TMC8: variants seen among roughly 807,000 people sequenced by gnomAD.
The protein encoded by TMC8 is transmembrane channel like 8, also known as transmembrane channel-like protein 8.
A neutral mutation model predicts 76.0 loss-of-function variants in TMC8; 71 were observed. The observed-to-expected ratio is 0.93, with a 90% CI of 0.77 to 1.14. The LOEUF is 1.14. Ranked by LOEUF, TMC8 falls within the 50% of genes most tolerant of loss-of-function variation. The probability of loss-of-function intolerance (pLI) is 0.00; values close to 1 mark genes in which losing one functional copy is unlikely to be tolerated. For missense variants in TMC8, 924 were observed against 947.9 expected, an observed-to-expected ratio of 0.97 and a Z score of 0.33; for synonymous variants, 433 against 433.8, an observed-to-expected ratio of 1.00 and a Z score of 0.02.
chr17:78,139,980 T>C (rs2075333599), intron 15 of TMC8, among the ~76,000 whole-genome samples: 1 of 151,762 alleles, frequency 6.6e-6, no homozygotes, highest in Admixed American at 6.6e-5. Context: ...GGGCGGAGGT[T>C]GCAGTGAGCT....
Position 78,138,520 on chromosome 17 carries a change from G to T in TMC8, c.1664+41G>T, listed in dbSNP as rs755234753. The T allele has an allele frequency of 8.7e-6, 14 of 1,613,414 alleles. No homozygotes were observed. The Admixed American group carries it at 2.3e-4, about 27-fold the overall frequency. On this transcript the variant is annotated intron_variant, in intron 13 of 15. Coordinates refer to ENST00000318430, the MANE Select transcript of TMC8 (RefSeq NM_152468.5). Reference sequence around the variant, plus strand: ...GGGGGGCACCCAGAGGCTGGCAGGGGCAGTTTCTCACCCAGGACCCTGATG... The same window carrying T: ...GGGGGGCACCCAGAGGCTGGCAGGGTCAGTTTCTCACCCAGGACCCTGATG...
chr17:78,140,809 A>C (rs1271415919), intron 15 of TMC8, 25 bp from the exon 16 acceptor site: 1 of 1,592,940 alleles, frequency 6.3e-7, no homozygotes, highest in Non-Finnish European at 8.5e-7. Context: ...CGCCTGTCGC[A>C]ACTCGCCACT....
chr17:78,132,632 T>C lies in TMC8; in HGVS notation c.448+124T>C. 3 of 1,503,068 alleles carry C rather than the reference T, an allele frequency of 2.0e-6. No individual in the cohort carries two copies. The South Asian group carries it at 3.5e-5, about 18-fold the overall frequency. 93.1% of individuals were successfully genotyped at this position (1,503,068 alleles called of 1,614,324 possible). On this transcript the variant is annotated intron_variant, in intron 4 of 15. Transcript: ENST00000318430. ...TCCTGCCGTGCAGGCCCCGGGGCTC[T>C]CTCTCCCTGACCTCGCCTTGTGTGG...
In TMC8 at chr17:78,131,485, C is replaced by G; in HGVS notation, c.-104C>G. 1 of 1,470,672 alleles carries G rather than the reference C, an allele frequency of 6.8e-7. No homozygotes were observed. The highest frequency in any genetic ancestry group is 2.0e-5 in the Admixed American group (1 of 50,830). 91.1% of individuals were successfully genotyped at this position (1,470,672 alleles called of 1,614,324 possible). On this transcript the variant is annotated 5_prime_UTR_variant, in exon 2 of 16. Coordinates refer to ENST00000318430, the MANE Select transcript of TMC8 (RefSeq NM_152468.5). ...ACGGAAGGGCCCGCCCCCAGCCCAG[C>G]GTGCACAGAGGCCATAGCCAAGGCC...
chr17:78,131,792 C>A, intron 2 of TMC8, 55 bp downstream of exon 2: 1 of 1,539,860 alleles, frequency 6.5e-7, no homozygotes, highest in Non-Finnish European at 8.7e-7. Context: ...CGAGGCTGCC[C>A]CGTCGGATGG....
chr17:78,139,273 A>G, intron 15 of TMC8, 33 bp downstream of exon 15: 1 of 1,610,836 alleles, frequency 6.2e-7, no homozygotes, highest in Non-Finnish European at 8.5e-7. Flanking sequence ...AGGGGACAGC[A>G]GCTTCAGTGG....
intron 5 of TMC8, among the ~76,000 whole-genome samples, 168 bp downstream of exon 5, chr17:78,133,038 G>A (rs1239932147): frequency 6.6e-6 from 1 of 152,156 alleles, no homozygotes; most frequent in Non-Finnish European, 1.5e-5. Context: ...GTTAGAGAGA[G>A]GCTGAGGCCA....
chr17:78,132,399 C>A lies in TMC8; in HGVS notation c.339C>A (p.Leu113=). 1.9e-6 allele frequency: 3 copies of A among 1,613,050 alleles called. No individual in the cohort carries two copies. The highest frequency in any genetic ancestry group is 2.5e-6 in the Non-Finnish European group (3 of 1,179,728). The change falls in exon 4 of 16, where the codon CTC becomes CTA. Residue 113 remains leucine (L), a synonymous_variant. Coordinates refer to ENST00000318430, the MANE Select transcript of TMC8 (RefSeq NM_152468.5). The stretch of plus-strand genomic sequence containing the variant: ...GAATTCGGTCCTACTTCACCTTCCT[C>A]CGCTTCCTGCTGCTACTCAACCTGC... ...GTGIRSYFTF[L]RFLLLLNLLS...
intron 10 of TMC8, 116 bp from the exon 11 acceptor site, chr17:78,137,601 A>G: frequency 8.7e-7 from 1 of 1,155,496 alleles, no homozygotes; most frequent in Non-Finnish European, 1.3e-6. Context: ...CAACCTAACG[A>G]TTCTATCAGA....
chr17:78,140,023 C>T (rs2075334493), intron 15 of TMC8, among the ~76,000 whole-genome samples: 1 of 152,148 alleles, frequency 6.6e-6, no homozygotes, highest in African/African-American at 2.4e-5. Flanking sequence ...GCCTGGGCAA[C>T]AAGAGCAAAA....
At chr17:78,133,800 C>T in intron 6 of TMC8, 53 bp from the exon 7 acceptor site, 1 of 1,611,252 alleles carries the variant, frequency 6.2e-7, no homozygotes, top group Non-Finnish European at 8.5e-7. Context: ...AAGGCTGAGG[C>T]TGGATGGTAG....
rs2075392685 is a variant in TMC8, at chr17:78,142,696, A to G, written c.*1584A>G. On this transcript the variant is annotated 3_prime_UTR_variant, in exon 16 of 16. Coordinates refer to ENST00000318430, the MANE Select transcript of TMC8 (RefSeq NM_152468.5). ...GTTGTTAATTAGCGGCTTAGGGCCA[A>G]AGGTGGCCCCTGGACCAGTGGCCTC... 6.6e-6 allele frequency: 1 copy of G among 152,286 alleles called. No homozygotes were observed. The highest frequency in any genetic ancestry group is 2.1e-4 in the South Asian group (1 of 4,836). 9.4% of individuals were successfully genotyped at this position (152,286 alleles called of 1,614,324 possible).
rs753915057 is a variant in TMC8 at position 78,132,826 on chromosome 17, G to A, written c.487G>A (p.Val163Ile). 4.4e-5 allele frequency: 71 copies of A among 1,614,226 alleles called. No individual in the cohort carries two copies. The highest frequency in any genetic ancestry group is 1.6e-4 in the Middle Eastern group (1 of 6,062). The stretch of plus-strand genomic sequence containing the variant: ...TGGTAGCCGCCAGTCCCCGCCTGGC[G>A]TTTTGAGGTTCCACAATCAACTTTG... ...CPGSRQSPPG[V>I]LRFHNQLWHV... The change falls in exon 5 of 16, where the codon GTT becomes ATT. Residue 163 changes from valine (V) to isoleucine (I), a missense_variant. Coordinates refer to ENST00000318430, the MANE Select transcript of TMC8 (RefSeq NM_152468.5).
In TMC8 at chr17:78,131,978, G is replaced by C. The variant is rs2074998965; in HGVS notation, c.246G>C (p.Gln82His). The stretch of plus-strand genomic sequence containing the variant: ...AAAGGCGCCTGCGGGAGGCAGCGCA[G>C]CGGCTGGCCCGGGGCCTTGGGCTCT... ...TVERRLREAA[Q>H]RLARGLGLWE... The change falls in exon 3 of 16, where the codon CAG becomes CAC. Residue 82 changes from glutamine (Q) to histidine (H), a missense_variant. Gln to His is a conservative substitution (Grantham distance 24, BLOSUM62 0). Transcript: ENST00000318430. The C allele has an allele frequency of 6.6e-7, 1 of 1,522,456 alleles. No homozygotes were observed. The highest frequency in any genetic ancestry group is 8.8e-7 in the Non-Finnish European group (1 of 1,141,002). The allele number at this position is 1,522,456 out of a possible 1,614,324, so 94.3% of individuals were successfully genotyped here.
chr17:78,136,346 C>G (rs756235974), intron 9 of TMC8, among the ~76,000 whole-genome samples: 69 of 152,112 alleles, frequency 4.5e-4, no homozygotes, highest in Non-Finnish European at 6.2e-4. Context: ...GACTAGGACA[C>G]ACAGTCCTAG....
At position 78,134,520 on chromosome 17, in the gene TMC8, A is replaced by T; in HGVS notation, c.943A>T (p.Ser315Cys). Reference protein sequence around the residue: ...LNGLLVVGAISAIFWATKYSQ... With the variant: ...LNGLLVVGAICAIFWATKYSQ... ...CGGGCTCCTGGTGGTTGGGGCCATCAGCGCCATCTTCTGGGCTACCAAGTA... is the reference window on the plus strand; with the variant it reads ...CGGGCTCCTGGTGGTTGGGGCCATCTGCGCCATCTTCTGGGCTACCAAGTA... The change falls in exon 8 of 16, where the codon AGC becomes TGC. Residue 315 changes from serine to cysteine, a missense_variant. Physicochemically the swap from Ser to Cys is moderately radical, Grantham distance 112 (BLOSUM62 -1). Transcript: ENST00000318430. 1 of 1,614,152 alleles carries T rather than the reference A, an allele frequency of 6.2e-7. No homozygotes were observed. Among genetic ancestry groups the T allele is most frequent in the Non-Finnish European group, 8.5e-7 (1 of 1,180,046 alleles).
At position 78,132,834 on chromosome 17, in the gene TMC8, G is replaced by C. The variant is rs761860622; in HGVS notation, c.495G>C (p.Arg165Ser). ...GSRQSPPGVL[R>S]FHNQLWHVLT... ...GCCAGTCCCCGCCTGGCGTTTTGAGGTTCCACAATCAACTTTGGCATGTTT... is the reference window on the plus strand; with the variant it reads ...GCCAGTCCCCGCCTGGCGTTTTGAGCTTCCACAATCAACTTTGGCATGTTT... The change falls in exon 5 of 16, where the codon AGG becomes AGC. Residue 165 changes from arginine to serine, a missense_variant. Arg to Ser is a moderately radical substitution (Grantham distance 110). Transcript: ENST00000318430. The C allele has an allele frequency of 6.4e-5, 104 of 1,614,128 alleles. No homozygotes were observed. Among genetic ancestry groups the C allele is most frequent in the Non-Finnish European group, 8.7e-5 (103 of 1,180,042 alleles).
chr17:78,136,824 G>T, intron 9 of TMC8: 1 of 336,938 alleles, frequency 3.0e-6, no homozygotes, highest in Non-Finnish European at 5.8e-6. Context: ...CACTTTGGGA[G>T]GCCAAGGCGG....
chr17:78,138,398 C>T lies in TMC8; in HGVS notation c.1583C>T (p.Ser528Phe), dbSNP rs1163722365. The T allele has an allele frequency of 6.2e-7, 1 of 1,612,496 alleles. No homozygotes were observed. The highest frequency in any genetic ancestry group is 1.3e-5 in the African/African-American group (1 of 75,056). Residue 528 changes from serine (S) to phenylalanine (F), a missense_variant, in exon 13 of 16, where the codon TCC (serine) becomes TTC (phenylalanine). Ser to Phe is a radical substitution (Grantham distance 155). Transcript: ENST00000318430. ...GCATCTTCGCGGCCCTTCCGTGCCT[C>T]CAGCTCCACCTTCTTCTTCCAGCTA... ...SRASSRPFRA[S>F]SSTFFFQLVL...
Sources: gnomAD v4.1 joint callset for allele counts (sites outside exome capture counted in the v4.1 genomes callset) on GRCh38, gnomAD v4.1.1 for gene constraint, MANE v1.5 for transcripts, NCBI Gene and HGNC (gene_info 2026-07-23, HGNC 2026-07-21) for gene names.